ZNF341: variants seen among roughly 807,000 people sequenced by gnomAD.
ZNF341 encodes zinc finger protein 341.
ZNF341 carries 52 observed loss-of-function variants against 87.7 expected under a neutral mutation model. The ratio of observed to expected loss-of-function variants is 0.59; its 90% CI spans 0.47 to 0.75. The LOEUF is 0.75. Ranked by LOEUF, ZNF341 falls within the 30% of genes least tolerant of loss-of-function variation. ZNF341 has a pLI of 0.00. For missense variants in ZNF341, 977 were observed against 1,145.9 expected (o/e 0.85, Z 2.13); for synonymous variants, 459 against 472.7 (o/e 0.97, Z 0.38).
intron 10 of ZNF341, among the ~76,000 whole-genome samples, chr20:33,777,110 T>G (rs1028456221): frequency 1.4e-5 from 2 of 146,378 alleles, no homozygotes; most frequent in African/African-American, 5.1e-5. Flanking sequence ...GCCCAGAAGT[T>G]TGAGACCAAC....
rs1433776231 is a variant in ZNF341, at chr20:33,781,389, T to G, written c.1719+2T>G. On this transcript the variant is annotated splice_donor_variant, in intron 11 of 14. Transcript: ENST00000375200. LOFTEE classifies it high-confidence loss of function. The stretch of plus-strand genomic sequence containing the variant: ...TTCCCCTGCCCACACTGCCAGAAGG[T>G]GGGTGCCACTGTCCTCTTTTCTGGG... 2.5e-6 allele frequency: 4 copies of G among 1,613,808 alleles called. No individual in the cohort carries two copies. Among genetic ancestry groups the G allele is most frequent in the East Asian group, 4.5e-5 (2 of 44,866 alleles).
chr20:33,764,543 G>GTGTGTATATATATATATATA (rs1332743148), intron 8 of ZNF341, among the ~76,000 whole-genome samples: 1 of 69,338 alleles, frequency 1.4e-5, no homozygotes, highest in African/African-American at 6.8e-5. Flanking sequence ...GTGTGTATGT[G>GTGTGTATATATATATATATA]TATATATATA....
chr20:33,773,374 C>T (rs1387461248), intron 10 of ZNF341, among the ~76,000 whole-genome samples: 1 of 152,170 alleles, frequency 6.6e-6, no homozygotes, highest in African/African-American at 2.4e-5. Context: ...CCTTTGTAGA[C>T]ATTGGAGCTG....
Position 33,791,591 on chromosome 20 carries a change from G to T in ZNF341, c.*74G>T, listed in dbSNP as rs561807111. The T allele has an allele frequency of 3.6e-5, 52 of 1,429,294 alleles. 1 individual carries two copies. In the African/African-American group the frequency reaches 7.0e-4, roughly 19 times the overall value. The allele number at this position is 1,429,294 out of a possible 1,614,324, so 88.5% of individuals were successfully genotyped here. A position where few individuals can be genotyped will look rare whatever the true frequency, so the allele number is the denominator to read the frequency against. On this transcript the variant is annotated 3_prime_UTR_variant, in exon 15 of 15. Coordinates refer to ENST00000375200, the MANE Select transcript of ZNF341 (RefSeq NM_001282933.2). ...GTCCAGGGCCCCTGGGGGCAGACCG[G>T]TGATCCTTACCAGTGGAAGCGAGCC...
At chr20:33,736,321 TA>T in intron 1 of ZNF341, among the ~76,000 whole-genome samples, 1 of 152,074 alleles carries the variant, frequency 6.6e-6, no homozygotes, top group Admixed American at 6.5e-5. Context: ...ACGCCTGACC[TA>T]ACCAATCCCT....
chr20:33,775,498 C>G lies in ZNF341; in HGVS notation c.1622+5206C>G, dbSNP rs985088840. ...TGCTAGGATTACAGGTGTGAGCCAC[C>G]GTGCCCGGCCTTTTTTTTTTTTTTT... On this transcript the variant is annotated intron_variant, in intron 10 of 14. Transcript: ENST00000375200. Among the ~76,000 whole-genome samples the G allele has an allele frequency of 8.6e-5, 13 of 150,730 alleles. No individual in the cohort carries two copies. The South Asian group carries it at 2.5e-3, about 29-fold the overall frequency.
chr20:33,778,879 CACATGT>C (rs2019680832), intron 10 of ZNF341, among the ~76,000 whole-genome samples: 1 of 152,110 alleles, frequency 6.6e-6, no homozygotes, highest in South Asian at 2.1e-4. Flanking sequence ...CCTTAGCTGG[CACATGT>C]TTTCATGATG....
At chr20:33,768,932 C>A (rs1017562827) in intron 9 of ZNF341, among the ~76,000 whole-genome samples, 3 of 152,048 alleles carry the variant, frequency 2.0e-5, no homozygotes, top group African/African-American at 7.2e-5. Context: ...AGTGAGGAAA[C>A]CCAAAGGAAG....
intron 10 of ZNF341, among the ~76,000 whole-genome samples, 162 bp downstream of exon 10, chr20:33,770,454 G>T (rs1418581243): frequency 2.6e-5 from 4 of 152,046 alleles, no homozygotes; most frequent in African/African-American, 9.7e-5. Context: ...TGGGTTCTGG[G>T]CTTTGGCACT....
At chr20:33,745,404 C>G in intron 3 of ZNF341, 105 bp downstream of exon 3, 1 of 1,179,916 alleles carries the variant, frequency 8.5e-7, no homozygotes, top group Non-Finnish European at 1.2e-6. Flanking sequence ...CAGACCAAGT[C>G]CCTGCCCTTG....
chr20:33,767,092 C>T, intron 9 of ZNF341, 51 bp downstream of exon 9: 1 of 1,568,328 alleles, frequency 6.4e-7, no homozygotes, highest in Non-Finnish European at 8.7e-7. Context: ...CGAAACCTTT[C>T]ACTGGTGCTA....
intron 14 of ZNF341, among the ~76,000 whole-genome samples, 195 bp from the exon 15 acceptor site, chr20:33,790,793 G>T (rs1326917458): frequency 1.3e-5 from 2 of 152,212 alleles, no homozygotes; most frequent in African/African-American, 4.8e-5. Flanking sequence ...AGGAGCCAGC[G>T]TGGCATCTCT....
chr20:33,756,999 C>A, intron 5 of ZNF341, 149 bp from the exon 6 acceptor site: 1 of 592,136 alleles, frequency 1.7e-6, no homozygotes, highest in Non-Finnish European at 2.8e-6. Context: ...TTGGGAGTGG[C>A]TTGGGTGACC....
At chr20:33,741,629 G>C (rs997849029) in intron 2 of ZNF341, among the ~76,000 whole-genome samples, 1 of 151,954 alleles carries the variant, frequency 6.6e-6, no homozygotes, top group Non-Finnish European at 1.5e-5. Flanking sequence ...GGTCTCAAAC[G>C]CCTGACCTAA....
intron 1 of ZNF341, among the ~76,000 whole-genome samples, chr20:33,733,753 G>A (rs908054748): frequency 6.6e-6 from 1 of 152,152 alleles, no homozygotes; most frequent in Non-Finnish European, 1.5e-5. Context: ...GTGGGGTTCC[G>A]ATTCAAAGAC....
In ZNF341 at chr20:33,788,900, GT is replaced by G; in HGVS notation, c.1892del (p.Phe631SerfsTer7). On this transcript the variant is annotated frameshift_variant, in exon 13 of 15. Coordinates refer to ENST00000375200, the MANE Select transcript of ZNF341 (RefSeq NM_001282933.2). LOFTEE classifies it high-confidence loss of function. ...ACAAATGCTCAGTGTGCGAGTCTGC[GT>G]TCAACCGCAAGGACAAACTGAAGAG... The part of the protein sequence containing the change: ...PYKCSVCESA[F>X]NRKDKLKRHM... 1 of 1,614,048 alleles carries G rather than the reference GT, an allele frequency of 6.2e-7. No individual in the cohort carries two copies. The highest frequency in any genetic ancestry group is 8.5e-7 in the Non-Finnish European group (1 of 1,180,016).
intron 14 of ZNF341, among the ~76,000 whole-genome samples, chr20:33,789,934 G>A (rs1451310656): frequency 6.6e-6 from 1 of 152,130 alleles, no homozygotes; most frequent in East Asian, 1.9e-4. Context: ...TTCTTTGATA[G>A]GGCAGGGCAG....
intron 8 of ZNF341, among the ~76,000 whole-genome samples, chr20:33,763,319 G>A (rs1400582292): frequency 1.3e-5 from 2 of 151,838 alleles, no homozygotes; most frequent in Non-Finnish European, 2.9e-5. Flanking sequence ...TTCTTTTTTT[G>A]AGACAGAGTC....
chr20:33,762,507 G>T (rs569247268), intron 8 of ZNF341, among the ~76,000 whole-genome samples: 2 of 152,044 alleles, frequency 1.3e-5, no homozygotes, highest in Admixed American at 6.6e-5. Flanking sequence ...GGGGATAAAA[G>T]AAAGCCCTTT....
Sources: allele counts gnomAD v4.1 joint callset (sites outside exome capture counted in the v4.1 genomes callset), GRCh38; gene constraint gnomAD v4.1.1; transcripts MANE v1.5; gene names NCBI Gene and HGNC (gene_info 2026-07-23, HGNC 2026-07-21).